Variants in PSD3 observed in about 807,000 individuals in gnomAD.
PSD3 encodes PH and SEC7 domain-containing protein 3.
Under a neutral mutation model 105.5 loss-of-function variants are expected in PSD3, and 49 were observed. The ratio of observed to expected loss-of-function variants is 0.46; its 90% CI spans 0.37 to 0.59. PSD3 has a LOEUF of 0.59. Ranked by LOEUF, PSD3 falls within the 20% of genes least tolerant of loss-of-function variation. The pLI is 0.00. For synonymous variants in PSD3, 557 were observed against 457.8 expected, an observed-to-expected ratio of 1.22 and a Z score of -2.77; for missense variants, 1,561 against 1,263.8, an observed-to-expected ratio of 1.24 and a Z score of -3.57.
At chr8:18,799,880 T>C (rs549769688) in intron 7 of PSD3, among the ~76,000 whole-genome samples, 12 of 152,312 alleles carry the variant, frequency 7.9e-5, no homozygotes, top group African/African-American at 2.4e-4. Flanking sequence ...CAGTAGACAA[T>C]AGCAGTTTCA....
At chr8:18,679,544 C>A (rs899614999) in intron 9 of PSD3, among the ~76,000 whole-genome samples, 27 of 152,264 alleles carry the variant, frequency 1.8e-4, no homozygotes, top group African/African-American at 6.3e-4. Context: ...TTTAAGGTTC[C>A]TTCCACAGAG....
In PSD3 at chr8:18,632,805, C is replaced by A; in HGVS notation, c.2218G>T (p.Asp740Tyr). 1 of 1,557,386 alleles carries A rather than the reference C, an allele frequency of 6.4e-7. No individual in the cohort carries two copies. The highest frequency in any genetic ancestry group is 8.8e-7 in the Non-Finnish European group (1 of 1,135,022). The change falls in exon 11 of 16, where the codon GAT becomes TAT. Residue 740 changes from aspartate to tyrosine, a missense_variant and splice_region_variant. Asp to Tyr is a radical substitution (Grantham distance 160). Transcript: ENST00000327040. Reference sequence around the variant, plus strand: ...GGAGACTTTTTTTTCTCTTCATCATCTCTAAAAGGGAGAAAGCACAAAGAC... The same window carrying A: ...GGAGACTTTTTTTTCTCTTCATCATATCTAAAAGGGAGAAAGCACAAAGAC... Reference protein sequence around the residue: ...IKNEKLEWAVDDEEKKKSPSE... With the variant: ...IKNEKLEWAVYDEEKKKSPSE...
At chr8:18,805,543 T>C (rs903805971) in intron 4 of PSD3, among the ~76,000 whole-genome samples, 1 of 152,206 alleles carries the variant, frequency 6.6e-6, no homozygotes, top group Non-Finnish European at 1.5e-5. Flanking sequence ...GGTAGTTTCT[T>C]AAAGGATATT....
intron 9 of PSD3, among the ~76,000 whole-genome samples, chr8:18,667,591 A>G (rs925048444): frequency 4.6e-5 from 7 of 152,204 alleles, no homozygotes; most frequent in Non-Finnish European, 8.8e-5. Flanking sequence ...CAAGTCCCCA[A>G]ATAGATTTAG....
intron 8 of PSD3, among the ~76,000 whole-genome samples, chr8:18,796,509 A>C (rs1810191428): frequency 6.6e-6 from 1 of 152,238 alleles, no homozygotes; most frequent in Non-Finnish European, 1.5e-5. Context: ...CACATTAGCT[A>C]AATGTAAGTA....
chr8:18,673,626 G>A (rs1799910590), intron 9 of PSD3, among the ~76,000 whole-genome samples: 1 of 152,090 alleles, frequency 6.6e-6, no homozygotes, highest in Non-Finnish European at 1.5e-5. Context: ...CTCCCCCTCT[G>A]CTCTACTGGA....
Position 18,569,062 on chromosome 8 carries a change from T to A in PSD3, c.2784+3466A>T, listed in dbSNP as rs543965764. Reference sequence around the variant, plus strand: ...CATCATTTTTTATGGCTGCGTAGTATTCCATGGTGTATATGTGCCACATTT... The same window carrying A: ...CATCATTTTTTATGGCTGCGTAGTAATCCATGGTGTATATGTGCCACATTT... On this transcript the variant is annotated intron_variant, in intron 14 of 15. Transcript: ENST00000327040. 6.9e-3 allele frequency among the ~76,000 whole-genome samples: 909 copies of A among 132,292 alleles called. 13 individuals carry two copies. The highest frequency in any genetic ancestry group is 0.024 in the African/African-American group (879 of 37,100). The allele number at this position is 132,292 out of a possible 152,430, so 86.8% of individuals were successfully genotyped here.
At chr8:18,895,705 A>G (rs887714609) in intron 2 of PSD3, among the ~76,000 whole-genome samples, 1 of 152,230 alleles carries the variant, frequency 6.6e-6, no homozygotes, top group Non-Finnish European at 1.5e-5. Context: ...TATTTATAAG[A>G]TACAGTGTAT....
chr8:18,626,786 G>A (rs1211394430), intron 11 of PSD3, among the ~76,000 whole-genome samples: 1 of 152,088 alleles, frequency 6.6e-6, no homozygotes, highest in Non-Finnish European at 1.5e-5. Context: ...AGACATGATT[G>A]AAAATCCAAC....
At chr8:18,555,160 AGGATG>A (rs765640298) in intron 15 of PSD3, among the ~76,000 whole-genome samples, 5 of 152,144 alleles carry the variant, frequency 3.3e-5, no homozygotes, top group Non-Finnish European at 7.3e-5. Flanking sequence ...CAAAGGATTT[AGGATG>A]AACGGAAGGA....
At chr8:19,019,202 A>G (rs1360207400) in intron 1 of PSD3, among the ~76,000 whole-genome samples, 2 of 152,226 alleles carry the variant, frequency 1.3e-5, no homozygotes, top group African/African-American at 4.8e-5. Flanking sequence ...AAAACAGATG[A>G]GTTCCCCAGG....
At chr8:18,940,057 G>C (rs1822429378) in intron 1 of PSD3, 1 of 152,144 alleles carries the variant, frequency 6.6e-6, no homozygotes. Flanking sequence ...CCCTAGAGTG[G>C]TTCTCAAAAT....
chr8:18,582,197 G>A (rs530120756), intron 12 of PSD3, among the ~76,000 whole-genome samples: 5 of 152,238 alleles, frequency 3.3e-5, no homozygotes, highest in Admixed American at 2.0e-4. Context: ...TGAGCTTCTC[G>A]AGAGTAGTTG....
intron 1 of PSD3, among the ~76,000 whole-genome samples, chr8:19,076,572 G>C (rs1004495589): frequency 1.3e-5 from 2 of 152,108 alleles, no homozygotes; most frequent in Non-Finnish European, 2.9e-5. Flanking sequence ...AGATTAGAGT[G>C]ATTACTTATA....
intron 4 of PSD3, among the ~76,000 whole-genome samples, chr8:18,866,365 C>A (rs1816933002): frequency 6.6e-6 from 1 of 152,192 alleles, no homozygotes; most frequent in South Asian, 2.1e-4. Context: ...GCAACCAGTT[C>A]ATATGCACAC....
chr8:18,766,637 C>G (rs1255622353), intron 8 of PSD3, among the ~76,000 whole-genome samples: 1 of 152,174 alleles, frequency 6.6e-6, no homozygotes, highest in Non-Finnish European at 1.5e-5. Context: ...GAGATTTACA[C>G]TACTTTCAAA....
At chr8:18,867,493 G>C (rs1468946236) in intron 4 of PSD3, among the ~76,000 whole-genome samples, 181 bp downstream of exon 4, 1 of 152,140 alleles carries the variant, frequency 6.6e-6, no homozygotes, top group African/African-American at 2.4e-5. Flanking sequence ...GTGCCAATGT[G>C]ACAAACCACT....
chr8:18,711,866 TCACATAATTGGAAGTAAAA>T (rs1162340689), intron 9 of PSD3, among the ~76,000 whole-genome samples: 1 of 152,050 alleles, frequency 6.6e-6, no homozygotes, highest in African/African-American at 2.4e-5. Flanking sequence ...CTAAAATTGA[TCACATAATTGGAAGTAAAA>T]CACTCCTCAG....
intron 1 of PSD3, among the ~76,000 whole-genome samples, chr8:19,029,011 T>G (rs532301612): frequency 2.6e-5 from 4 of 152,228 alleles, no homozygotes; most frequent in Non-Finnish European, 5.9e-5. Flanking sequence ...CTCTCTTCCA[T>G]TTCATTGATC....
Sources: gnomAD v4.1 joint callset for allele counts (sites outside exome capture counted in the v4.1 genomes callset) on GRCh38, gnomAD v4.1.1 for gene constraint, MANE v1.5 for transcripts, NCBI Gene and HGNC (gene_info 2026-07-23, HGNC 2026-07-21) for gene names.